Variants in SF3B1 observed in about 807,000 individuals in gnomAD.
SF3B1 encodes splicing factor 3b subunit 1, also known as pre-mRNA processing 10.
A neutral mutation model predicts 153.8 loss-of-function variants in SF3B1; 12 were observed. That is an observed-to-expected ratio of 0.08 (90% CI 0.05 to 0.13). The LOEUF (loss-of-function observed/expected upper bound fraction) is 0.13, where lower values mean the gene tolerates loss of function less well. SF3B1 is among the 10% of genes least tolerant of loss of function. SF3B1 has a pLI of 1.00. For missense variants in SF3B1, 513 were observed against 1,606.1 expected, an observed-to-expected ratio of 0.32 and a Z score of 11.63; for synonymous variants, 498 against 525.2, an observed-to-expected ratio of 0.95 and a Z score of 0.71.
At chr2:197,398,992 T>C in intron 20 of SF3B1, 3 of 1,206,046 alleles carry the variant, frequency 2.5e-6, no homozygotes, top group Non-Finnish European at 3.3e-6. Flanking sequence ...AACAAACAGA[T>C]CTCCAGTCTC....
At chr2:197,423,441 C>A (rs1266346873) in intron 2 of SF3B1, among the ~76,000 whole-genome samples, 1 of 151,102 alleles carries the variant, frequency 6.6e-6, no homozygotes, top group African/African-American at 2.4e-5. Context: ...AAAACAGTAT[C>A]AAGTACAAGT....
intron 11 of SF3B1, among the ~76,000 whole-genome samples, chr2:197,404,408 C>T (rs1397883903): frequency 2.6e-5 from 4 of 151,946 alleles, no homozygotes; most frequent in Admixed American, 2.6e-4. Flanking sequence ...GGTGAAACCC[C>T]GTTTCTACTA....
At chr2:197,407,459 G>C (rs2085008838) in intron 9 of SF3B1, among the ~76,000 whole-genome samples, 2 of 152,148 alleles carry the variant, frequency 1.3e-5, no homozygotes, top group South Asian at 4.1e-4. Context: ...ACAAAGATGA[G>C]CCGGGCATGG....
intron 20 of SF3B1, among the ~76,000 whole-genome samples, 150 bp downstream of exon 20, chr2:197,399,889 GGAAACAAGACTTTTGT>G (rs975062090): frequency 4.7e-4 from 71 of 151,636 alleles, no homozygotes; most frequent in Middle Eastern, 3.4e-3. Flanking sequence ...ATGGGTTTTG[GGAAACAAGACTTTTGT>G]GACATCCCCC....
At chr2:197,420,907 A>G in intron 3 of SF3B1, 122 bp downstream of exon 3, 2 of 665,240 alleles carry the variant, frequency 3.0e-6, no homozygotes, top group Non-Finnish European at 5.1e-6. Flanking sequence ...TTACACCTTT[A>G]CAAAATAAGT....
intron 12 of SF3B1, 79 bp from the exon 13 acceptor site, chr2:197,403,114 A>G (rs1162911461): frequency 3.2e-5 from 33 of 1,026,530 alleles, no homozygotes; most frequent in Non-Finnish European, 4.3e-5. Flanking sequence ...TTAAACATAC[A>G]TAAGAAATTT....
chr2:197,418,234 C>CACAA (rs2085183143), intron 5 of SF3B1, among the ~76,000 whole-genome samples: 1 of 36,366 alleles, frequency 2.7e-5, no homozygotes, highest in African/African-American at 8.2e-5. Flanking sequence ...AGACTGTGTC[C>CACAA]AAAAAAAAAA....
chr2:197,420,969 G>T, intron 3 of SF3B1, 60 bp downstream of exon 3: 2 of 996,898 alleles, frequency 2.0e-6, no homozygotes, highest in Non-Finnish European at 3.1e-6. Context: ...ATTTCTATGG[G>T]AACTCAGACA....
Position 197,403,609 on chromosome 2 carries a change from G to A in SF3B1, c.1695C>T (p.Asp565=). 6.4e-7 allele frequency: 1 copy of A among 1,566,790 alleles called. No individual in the cohort carries two copies. Among genetic ancestry groups the A allele is most frequent in the Non-Finnish European group, 8.6e-7 (1 of 1,165,292 alleles). The part of the protein sequence containing the change: ...VIDRILYKLD[D]LVRPYVHKIL... ...CCTTATGCACATATGGACGAACTAA[G>A]TCATCAAGTTTGTACAGTATCCTAT... The change falls in exon 12 of 25, where the codon GAC becomes GAT. Residue 565 remains aspartate (D), a synonymous_variant. Transcript: ENST00000335508.
rs1230127153 is a variant in SF3B1, at chr2:197,418,863, TG to T, written c.416-276del. On this transcript the variant is annotated intron_variant, in intron 4 of 24. Coordinates refer to ENST00000335508, the MANE Select transcript of SF3B1 (RefSeq NM_012433.4). ...CACAGTTTAGAGTCTTCAGAAGTGA[TG>T]GGTTCCTGGGTTGCTAATCCGGAAT... The T allele has an allele frequency of 8.8e-5, 138 of 1,561,902 alleles. 2 individuals are homozygous for T. The highest frequency in any genetic ancestry group is 1.2e-4 in the Admixed American group (6 of 50,590).
rs1257723173 is a variant in SF3B1 at position 197,405,290 on chromosome 2, G to A, written c.1422C>T (p.Tyr474=). ...TATCACTTACCAATAGTTTATCAAA[G>A]TATTGAATATCATCAGGTTTTAAAA... ...LPFLKPDDIQ[Y]FDKLLVDVDE... is the part of the protein sequence containing the mutation. Residue 474 remains tyrosine, a synonymous_variant, in exon 10 of 25, where the codon TAC becomes TAT. Transcript: ENST00000335508. 6.2e-7 allele frequency: 1 copy of A among 1,611,098 alleles called. No individual in the cohort carries two copies. Among genetic ancestry groups the A allele is most frequent in the Admixed American group, 1.7e-5 (1 of 60,002 alleles).
Position 197,400,765 on chromosome 2 carries a change from C to T in SF3B1, c.2668G>A (p.Glu890Lys), listed in dbSNP as rs1332070905. The change falls in exon 18 of 25, where the codon GAA becomes AAA. Residue 890 changes from glutamate (E) to lysine (K), a missense_variant. This residue lies in a region of SF3B1 where 20 missense variants were observed against 90.4 expected (regional missense o/e 0.22). Coordinates refer to ENST00000335508, the MANE Select transcript of SF3B1 (RefSeq NM_012433.4). This position sits in a 1 kb window ranked among gnomAD's most constrained non-coding sequence, Gnocchi z 5.0. ...GAADIDHKLE[E>K]QLIDGILYAF... is the part of the protein sequence containing the mutation. ...TAAAGAATACCATCAATCAGTTGTT[C>T]TTCAAGTTTATGATCAATATCTGCT... The T allele has an allele frequency of 6.2e-7, 1 of 1,613,296 alleles. No homozygotes were observed. Among genetic ancestry groups the T allele is most frequent in the Non-Finnish European group, 8.5e-7 (1 of 1,179,524 alleles).
chr2:197,409,109 T>G (rs1245618261), intron 7 of SF3B1, among the ~76,000 whole-genome samples: 1 of 151,918 alleles, frequency 6.6e-6, no homozygotes, highest in Non-Finnish European at 1.5e-5. Flanking sequence ...AATTTAAAAA[T>G]TAGCCAGGGG....
At position 197,401,386 on chromosome 2, in the gene SF3B1, C is replaced by A. The variant is rs375754635; in HGVS notation, c.2496+14G>T. On this transcript the variant is annotated intron_variant, in intron 17 of 24. Coordinates refer to ENST00000335508, the MANE Select transcript of SF3B1 (RefSeq NM_012433.4). This position sits in a 1 kb window ranked among gnomAD's most constrained non-coding sequence, Gnocchi z 4.2. ...AAGGACTTTTGAGAATATTCTTTTA[C>A]AATAAAAGCTTACCTGTCGGTAATT... The A allele has an allele frequency of 1.9e-6, 3 of 1,586,564 alleles. No homozygotes were observed. The highest frequency in any genetic ancestry group is 2.6e-6 in the Non-Finnish European group (3 of 1,172,962).
chr2:197,404,508 C>A lies in SF3B1; in HGVS notation c.1539+568G>T, dbSNP rs142887666. Among the ~76,000 whole-genome samples, 505 of 151,940 alleles carry A rather than the reference C, an allele frequency of 3.3e-3. 4 individuals are homozygous for A. Among genetic ancestry groups the A allele is most frequent in the East Asian group, 0.018 (92 of 5,164 alleles). ...GGCACAATTGCTTGAACCCAAGAGG[C>A]GGAGGTTGCAGTGAGCCAAGACTAC... On this transcript the variant is annotated intron_variant, in intron 11 of 24. Transcript: ENST00000335508.
rs35548172 is a variant in SF3B1, at chr2:197,416,765, T to C, written c.642A>G (p.Lys214=). 3.1e-3 allele frequency: 5,062 copies of C among 1,612,382 alleles called. 147 individuals are homozygous for C. The African/African-American group carries it at 0.06, about 19-fold the overall frequency. The change falls in exon 6 of 25, where the codon AAA becomes AAG. Residue 214 remains lysine, a synonymous_variant. Coordinates refer to ENST00000335508, the MANE Select transcript of SF3B1 (RefSeq NM_012433.4). ...ADQTPGATPK[K]LSSWDQAETP... Reference sequence around the variant, plus strand: ...CCTCTGCCTGATCCCAACTTGATAGTTTTTTGGGAGTGGCACCAGGAGTCT... The same window carrying C: ...CCTCTGCCTGATCCCAACTTGATAGCTTTTTGGGAGTGGCACCAGGAGTCT...
Position 197,403,659 on chromosome 2 carries a change from G to A in SF3B1, c.1645C>T (p.Arg549Cys), listed in dbSNP as rs1172363633. The A allele has an allele frequency of 3.1e-6, 5 of 1,595,780 alleles. No homozygotes were observed. The highest frequency in any genetic ancestry group is 4.3e-6 in the Non-Finnish European group (5 of 1,174,494). Residue 549 changes from arginine (R) to cysteine (C), a missense_variant, in exon 12 of 25, where the codon CGT becomes TGT. By Grantham distance (180) the Arg-to-Cys change is radical (BLOSUM62 -3). This residue lies in a region of SF3B1 where 34 missense variants were observed against 190.8 expected (regional missense o/e 0.18). Coordinates refer to ENST00000335508, the MANE Select transcript of SF3B1 (RefSeq NM_012433.4). ...LMSPTLEDQE[R>C]HLLVKVIDRI... ...TCAATAACTTTCACAAGTAAATGAC[G>A]CTCTTGATCCTCAAGTGTAGGAGAC...
chr2:197,393,672 C>T (rs1276641851), intron 23 of SF3B1, among the ~76,000 whole-genome samples: 1 of 151,756 alleles, frequency 6.6e-6, no homozygotes, highest in African/African-American at 2.4e-5. Flanking sequence ...AGGATGGTCT[C>T]GATCTCTTGA....
chr2:197,390,687 C>T lies in SF3B1; in HGVS notation c.*1616G>A, dbSNP rs1337367256. On this transcript the variant is annotated 3_prime_UTR_variant, in exon 25 of 25. Coordinates refer to ENST00000335508, the MANE Select transcript of SF3B1 (RefSeq NM_012433.4). ...CAGCGCTATCTCGGCTCACTGCAAG[C>T]TCCGCCTCCCGGGTTCAAGCCATTC... The T allele has an allele frequency of 1.3e-5, 2 of 151,372 alleles. No individual in the cohort carries two copies. The highest frequency in any genetic ancestry group is 4.9e-5 in the African/African-American group (2 of 41,076). 9.4% of individuals were successfully genotyped at this position (151,372 alleles called of 1,614,324 possible).
Sources: allele counts gnomAD v4.1 joint callset (sites outside exome capture counted in the v4.1 genomes callset), GRCh38; gene constraint gnomAD v4.1.1; regional missense constraint gnomAD v4.1.1; non-coding constraint Gnocchi (gnomAD v3.1); transcripts MANE v1.5; gene names NCBI Gene and HGNC (gene_info 2026-07-23, HGNC 2026-07-21).